Variants in ZBTB2 observed in about 807,000 individuals in gnomAD.
The protein encoded by ZBTB2 is zinc finger and BTB domain-containing protein 2.
In ZBTB2, 2 loss-of-function variants were observed where a neutral mutation model predicts 39.5. That is an observed-to-expected ratio of 0.05 (90% CI 0.02 to 0.16). ZBTB2 has a LOEUF of 0.16. ZBTB2 is among the 10% of genes least tolerant of loss of function. ZBTB2 has a pLI of 1.00. For synonymous variants in ZBTB2, 251 were observed against 256.6 expected, an observed-to-expected ratio of 0.98 and a Z score of 0.21; for missense variants, 391 against 653.0, an observed-to-expected ratio of 0.60 and a Z score of 4.37.
At chr6:151,379,637 G>GAAAAAAAAAAAAAAAAAAAAAA (rs61085296) in intron 1 of ZBTB2, among the ~76,000 whole-genome samples, 2 of 65,928 alleles carry the variant, frequency 3.0e-5, no homozygotes, top group African/African-American at 5.6e-5. Context: ...GACCCTGTCT[G>GAAAAAAAAAAAAAAAAAAAAAA]AAAAAAAAAA....
chr6:151,383,123 T>C (rs985051340), intron 1 of ZBTB2, among the ~76,000 whole-genome samples: 4 of 151,824 alleles, frequency 2.6e-5, no homozygotes, highest in Non-Finnish European at 4.4e-5. Flanking sequence ...GGTTTCACCA[T>C]GTTGGCCAGG....
At chr6:151,376,076 G>A (rs1257002667) in intron 1 of ZBTB2, among the ~76,000 whole-genome samples, 1 of 152,134 alleles carries the variant, frequency 6.6e-6, no homozygotes, top group Non-Finnish European at 1.5e-5. Flanking sequence ...GCAATTCAGT[G>A]GAGGAAGAAT....
chr6:151,384,322 A>T (rs1411478870), intron 1 of ZBTB2, among the ~76,000 whole-genome samples: 3 of 152,158 alleles, frequency 2.0e-5, no homozygotes, highest in Non-Finnish European at 4.4e-5. Flanking sequence ...ACTTGATAAG[A>T]TCTCTACAAT....
At chr6:151,384,559 A>G (rs1779110949) in intron 1 of ZBTB2, among the ~76,000 whole-genome samples, 2 of 152,342 alleles carry the variant, frequency 1.3e-5, no homozygotes, top group African/African-American at 4.8e-5. Flanking sequence ...AATGGAGCAG[A>G]TCAAAGTGTC....
intron 1 of ZBTB2, among the ~76,000 whole-genome samples, chr6:151,383,995 A>C (rs1779099041): frequency 6.6e-6 from 1 of 152,202 alleles, no homozygotes; most frequent in South Asian, 2.1e-4. Flanking sequence ...AAGAGTGCTG[A>C]GTTCCAGTCA....
intron 2 of ZBTB2, 138 bp downstream of exon 2, chr6:151,373,327 G>T: frequency 2.4e-6 from 2 of 832,318 alleles, no homozygotes; most frequent in Admixed American, 2.6e-5. Context: ...GAAGGGTAGT[G>T]GGGGCGAGTG....
intron 2 of ZBTB2, among the ~76,000 whole-genome samples, chr6:151,368,307 C>T (rs569749236): frequency 4.5e-4 from 69 of 152,156 alleles, no homozygotes; most frequent in African/African-American, 1.6e-3. Context: ...CCACCACACC[C>T]GGCTAATTTC....
At chr6:151,372,998 C>CA (rs1778817616) in intron 2 of ZBTB2, among the ~76,000 whole-genome samples, 1 of 151,504 alleles carries the variant, frequency 6.6e-6, no homozygotes, top group South Asian at 2.1e-4. Flanking sequence ...ACTAAAAATA[C>CA]AAAAATATTA....
At position 151,364,937 on chromosome 6, in the gene ZBTB2, TCTC is replaced by T. The variant is rs1778611172; in HGVS notation, c.*581_*583del. 1 of 152,766 alleles carries T rather than the reference TCTC, an allele frequency of 6.5e-6. No individual in the cohort carries two copies. The highest frequency in any genetic ancestry group is 6.5e-5 in the Admixed American group (1 of 15,294). 9.5% of individuals were successfully genotyped at this position (152,766 alleles called of 1,614,324 possible). ...AGATTGCCATCACATTATTACTTTT[TCTC>T]CTTTTTGTTTTGTTAAAGTAGATTT... On this transcript the variant is annotated 3_prime_UTR_variant, in exon 3 of 3. Coordinates refer to ENST00000325144, the MANE Select transcript of ZBTB2 (RefSeq NM_020861.3).
chr6:151,373,756 C>T (rs761991789), intron 1 of ZBTB2, 107 bp from the exon 2 acceptor site: 112 of 949,750 alleles, frequency 1.2e-4, no homozygotes, highest in South Asian at 8.0e-4. Context: ...TCATAGCTAA[C>T]GTGTCAGGCA....
Position 151,365,472 on chromosome 6 carries a change from G to A in ZBTB2, c.*49C>T, listed in dbSNP as rs1408817102. The stretch of plus-strand genomic sequence containing the variant: ...CAGTTCTGAATTCAGGGAAGGGAGG[G>A]AAGATAGTCTTTGTAAAAATGAGAG... On this transcript the variant is annotated 3_prime_UTR_variant, in exon 3 of 3. Coordinates refer to ENST00000325144, the MANE Select transcript of ZBTB2 (RefSeq NM_020861.3). The surrounding 1 kb of genome is among the most constrained non-coding windows in gnomAD (Gnocchi z 5.6). 6.5e-7 allele frequency: 1 copy of A among 1,547,222 alleles called. No individual in the cohort carries two copies. The highest frequency in any genetic ancestry group is 8.7e-7 in the Non-Finnish European group (1 of 1,147,928).
rs201490789 is a variant in ZBTB2, at chr6:151,373,486, A to C, written c.152T>G (p.Met51Arg). 6.2e-7 allele frequency: 1 copy of C among 1,614,114 alleles called. No homozygotes were observed. The highest frequency in any genetic ancestry group is 8.5e-7 in the Non-Finnish European group (1 of 1,180,020). ...VLASFSNYFK[M>R]LFVHQTSECV... Reference sequence around the variant, plus strand: ...TTACCTGGTCTGATGGACAAACAACATCTTAAAGTAATTGGAGAATGAAGC... The same window carrying C: ...TTACCTGGTCTGATGGACAAACAACCTCTTAAAGTAATTGGAGAATGAAGC... Residue 51 changes from methionine to arginine, a missense_variant, in exon 2 of 3, where the codon ATG (methionine) becomes AGG (arginine). Met to Arg is a moderately conservative substitution (Grantham distance 91). Transcript: ENST00000325144.
At chr6:151,373,133 C>T (rs1029458909) in intron 2 of ZBTB2, among the ~76,000 whole-genome samples, 10 of 113,918 alleles carry the variant, frequency 8.8e-5, no homozygotes, top group East Asian at 2.8e-4. Flanking sequence ...CCAGCCTAGG[C>T]GACAGAGAGA....
At chr6:151,378,698 G>C (rs980363263) in intron 1 of ZBTB2, among the ~76,000 whole-genome samples, 4 of 152,164 alleles carry the variant, frequency 2.6e-5, no homozygotes, top group African/African-American at 7.2e-5. Flanking sequence ...CATGTCCTCT[G>C]ACTCTGATCA....
chr6:151,385,893 G>C (rs975821095), intron 1 of ZBTB2, among the ~76,000 whole-genome samples: 3 of 152,146 alleles, frequency 2.0e-5, no homozygotes, highest in African/African-American at 7.2e-5. Flanking sequence ...ATCTTATTTA[G>C]TTGTGATAAT....
chr6:151,379,964 G>C (rs893264938), intron 1 of ZBTB2, among the ~76,000 whole-genome samples: 2 of 151,966 alleles, frequency 1.3e-5, no homozygotes, highest in African/African-American at 4.8e-5. Flanking sequence ...TGATAGAAAC[G>C]CTCAATATTT....
Position 151,365,569 on chromosome 6 carries a change from T to C in ZBTB2, c.1497A>G (p.Pro499=). Residue 499 remains proline (P), a synonymous_variant, in exon 3 of 3, where the codon CCA becomes CCG. Transcript: ENST00000325144. This position sits in a 1 kb window ranked among gnomAD's most constrained non-coding sequence, Gnocchi z 5.6. The stretch of plus-strand genomic sequence containing the variant: ...GTTCCTTTTTGATGGAAGCTAACAC[T>C]GGGTGGTCAGGCTCCGTTACTTCCG... ...GDSEVTEPDH[P]VLASIKKEQE... 1 of 1,614,150 alleles carries C rather than the reference T, an allele frequency of 6.2e-7. No homozygotes were observed. Among genetic ancestry groups the C allele is most frequent in the Non-Finnish European group, 8.5e-7 (1 of 1,180,018 alleles).
intron 1 of ZBTB2, among the ~76,000 whole-genome samples, chr6:151,390,856 C>G (rs1160018459): frequency 1.3e-5 from 2 of 149,458 alleles, no homozygotes; most frequent in African/African-American, 4.9e-5. Context: ...GAGGCGGCGG[C>G]GAGGCGTCGG....
At chr6:151,375,287 T>TGTAAATCTAACAAA (rs1778883766) in intron 1 of ZBTB2, among the ~76,000 whole-genome samples, 1 of 152,134 alleles carries the variant, frequency 6.6e-6, no homozygotes, top group African/African-American at 2.4e-5. Context: ...AAAAATGAAA[T>TGTAAATCTAACAAA]ACATGGGTGT....
Sources: allele counts gnomAD v4.1 joint callset (sites outside exome capture counted in the v4.1 genomes callset), GRCh38; gene constraint gnomAD v4.1.1; non-coding constraint Gnocchi (gnomAD v3.1); transcripts MANE v1.5; gene names NCBI Gene and HGNC (gene_info 2026-07-23, HGNC 2026-07-21).